Variants in CDH13 observed in about 807,000 individuals in gnomAD.
CDH13 encodes the protein cadherin 13.
Under a neutral mutation model 63.8 loss-of-function variants are expected in CDH13, and 24 were observed. That is an observed-to-expected ratio of 0.38 (90% CI 0.27 to 0.53). The LOEUF (loss-of-function observed/expected upper bound fraction) is 0.53. Among genes scored for constraint, CDH13 ranks in the 20% least tolerant of loss-of-function variants. The pLI, the probability that CDH13 is intolerant of heterozygous loss-of-function variation, is 0.85. For synonymous variants in CDH13, 503 were observed against 355.3 expected (o/e 1.42, Z -4.67); for missense variants, 1,049 against 903.1 (o/e 1.16, Z -2.07).
rs1904727523 is a variant in CDH13, at chr16:83,243,929, T to G, written c.636+26432T>G. The stretch of plus-strand genomic sequence containing the variant: ...CATCACCATTTGAAGTGTTTTCTTC[T>G]TCATTAACTATGAAGCCCTTTCCCA... On this transcript the variant is annotated intron_variant, in intron 5 of 13. Coordinates refer to ENST00000567109, the MANE Select transcript of CDH13 (RefSeq NM_001257.5). Among the ~76,000 whole-genome samples, 3 of 152,202 alleles carry G rather than the reference T, an allele frequency of 2.0e-5. No homozygotes were observed. In the South Asian group the frequency reaches 6.2e-4, roughly 31 times the overall value.
At chr16:83,574,943 A>G (rs1484599553) in intron 7 of CDH13, among the ~76,000 whole-genome samples, 1 of 152,238 alleles carries the variant, frequency 6.6e-6, no homozygotes, top group Admixed American at 6.5e-5. Context: ...AACCATGAAC[A>G]TGAATATTAA....
chr16:83,016,722 C>T (rs1257949938), intron 2 of CDH13, among the ~76,000 whole-genome samples: 1 of 151,986 alleles, frequency 6.6e-6, no homozygotes, highest in Non-Finnish European at 1.5e-5. Flanking sequence ...TGGACCCTGT[C>T]CTGGAATCAA....
At chr16:82,728,034 T>A (rs1350556799) in intron 1 of CDH13, among the ~76,000 whole-genome samples, 1 of 152,190 alleles carries the variant, frequency 6.6e-6, no homozygotes, top group Non-Finnish European at 1.5e-5. Flanking sequence ...GGAAAGCTGC[T>A]CTATTACTTA....
At chr16:83,618,419 CA>C (rs563377656) in intron 8 of CDH13, among the ~76,000 whole-genome samples, 1,880 of 98,936 alleles carry the variant, frequency 0.019, 28 homozygotes, top group African/African-American at 0.053. Flanking sequence ...AGAGAGACTC[CA>C]AAAAAAAAAA....
chr16:82,673,612 C>G (rs1913552720), intron 1 of CDH13, among the ~76,000 whole-genome samples: 1 of 152,166 alleles, frequency 6.6e-6, no homozygotes, highest in Admixed American at 6.5e-5. Context: ...TGCAACAGCA[C>G]AACAAAAAGG....
chr16:83,066,145 T>C (rs945310657), intron 3 of CDH13, among the ~76,000 whole-genome samples: 7 of 152,214 alleles, frequency 4.6e-5, no homozygotes, highest in Non-Finnish European at 7.3e-5. Flanking sequence ...AGATATGAAA[T>C]TTGAATGTGG....
intron 3 of CDH13, among the ~76,000 whole-genome samples, chr16:83,079,561 A>G (rs2033094020): frequency 6.6e-6 from 1 of 152,230 alleles, no homozygotes; most frequent in Non-Finnish European, 1.5e-5. Context: ...ATGTGTGCAA[A>G]GTACCTAGCA....
chr16:83,114,868 C>G (rs530847952), intron 3 of CDH13, among the ~76,000 whole-genome samples: 2 of 152,324 alleles, frequency 1.3e-5, no homozygotes, highest in South Asian at 2.1e-4. Flanking sequence ...TTGAGTAGCA[C>G]AGAACTGTCC....
chr16:83,238,925 G>T (rs1904290176), intron 5 of CDH13, among the ~76,000 whole-genome samples: 1 of 152,244 alleles, frequency 6.6e-6, no homozygotes, highest in South Asian at 2.1e-4. Context: ...TCACCTTTGG[G>T]CTAAGAGCAG....
chr16:83,004,787 C>T (rs1913310590), intron 2 of CDH13, among the ~76,000 whole-genome samples: 2 of 152,192 alleles, frequency 1.3e-5, no homozygotes, highest in African/African-American at 4.8e-5. Context: ...GCTACTGTGC[C>T]ACCCAGCCAA....
intron 3 of CDH13, among the ~76,000 whole-genome samples, chr16:83,107,534 G>A (rs17279307): frequency 0.064 from 9,682 of 152,208 alleles, 374 homozygotes; most frequent in Non-Finnish European, 0.077. Flanking sequence ...GACACCAGAG[G>A]AAGTAGTTTG....
At chr16:83,427,917 C>G (rs2071962948) in intron 6 of CDH13, among the ~76,000 whole-genome samples, 2 of 152,254 alleles carry the variant, frequency 1.3e-5, no homozygotes, top group South Asian at 4.1e-4. Flanking sequence ...GGCAGAACTG[C>G]TGACAGCTTT....
chr16:82,951,774 TATTCAAGGACATA>T (rs1905329922), intron 2 of CDH13, among the ~76,000 whole-genome samples: 1 of 152,160 alleles, frequency 6.6e-6, no homozygotes, highest in South Asian at 2.1e-4. Context: ...TTTTGATGAA[TATTCAAGGACATA>T]AATTCACACA....
intron 1 of CDH13, among the ~76,000 whole-genome samples, chr16:82,721,590 G>A (rs1567465970): frequency 6.6e-6 from 1 of 152,170 alleles, no homozygotes; most frequent in Non-Finnish European, 1.5e-5. Context: ...AAAGCAGTCG[G>A]CAAAGAGATT....
intron 4 of CDH13, among the ~76,000 whole-genome samples, chr16:83,151,734 G>A (rs1019020019): frequency 9.2e-5 from 14 of 152,226 alleles, no homozygotes; most frequent in African/African-American, 3.1e-4. Context: ...TGAGGCAGAG[G>A]CGAGCAGATC....
chr16:83,739,568 C>T (rs1911866920), intron 10 of CDH13, among the ~76,000 whole-genome samples: 1 of 152,162 alleles, frequency 6.6e-6, no homozygotes, highest in Admixed American at 6.5e-5. Context: ...CACACAAACC[C>T]ACCTAACTAA....
At chr16:82,692,413 G>A (rs1487540715) in intron 1 of CDH13, among the ~76,000 whole-genome samples, 2 of 152,168 alleles carry the variant, frequency 1.3e-5, no homozygotes, top group Non-Finnish European at 2.9e-5. Flanking sequence ...GGCGAAAGAG[G>A]AGCAAAGTCA....
intron 6 of CDH13, among the ~76,000 whole-genome samples, chr16:83,464,398 G>A (rs1279707799): frequency 6.6e-6 from 1 of 152,170 alleles, no homozygotes; most frequent in Non-Finnish European, 1.5e-5. Flanking sequence ...TGTAATCCCA[G>A]CTACTAAGGA....
chr16:83,031,754 G>A (rs561838077), intron 2 of CDH13, among the ~76,000 whole-genome samples: 2 of 152,190 alleles, frequency 1.3e-5, no homozygotes, highest in South Asian at 2.1e-4. Context: ...CACTGAGAAG[G>A]CACTCAAGTG....
Sources: allele counts gnomAD v4.1 joint callset (sites outside exome capture counted in the v4.1 genomes callset), GRCh38; gene constraint gnomAD v4.1.1; transcripts MANE v1.5; gene names NCBI Gene and HGNC (gene_info 2026-07-23, HGNC 2026-07-21).